The following MTHFD2 variants were observed in gnomAD, a reference collection of about 807,000 sequenced individuals.
MTHFD2 encodes methylenetetrahydrofolate dehydrogenase (NADP+ dependent) 2, methenyltetrahydrofolate cyclohydrolase.
In MTHFD2, 26 loss-of-function variants were observed where a neutral mutation model predicts 36.8. That is an observed-to-expected ratio of 0.71 (90% CI 0.52 to 0.98). MTHFD2 has a LOEUF of 0.98. Among genes scored for constraint, MTHFD2 ranks in the 50% least tolerant of loss-of-function variants. The pLI is 0.00. For synonymous variants in MTHFD2, 164 were observed against 155.2 expected (o/e 1.06, Z -0.42); for missense variants, 373 against 434.0 (o/e 0.86, Z 1.25).
intron 5 of MTHFD2, among the ~76,000 whole-genome samples, chr2:74,210,473 T>C (rs59936967): frequency 0.01 from 1,575 of 152,336 alleles, 23 homozygotes; most frequent in African/African-American, 0.036. Flanking sequence ...AGGTAAAGCC[T>C]CGTCAATCAG....
intron 1 of MTHFD2, among the ~76,000 whole-genome samples, chr2:74,199,781 A>G (rs1405649694): frequency 1.3e-5 from 2 of 152,090 alleles, no homozygotes; most frequent in African/African-American, 4.8e-5. Context: ...AAATTGGGAA[A>G]AATATACAGG....
At chr2:74,206,870 G>A (rs1694194109) in intron 2 of MTHFD2, among the ~76,000 whole-genome samples, 1 of 152,148 alleles carries the variant, frequency 6.6e-6, no homozygotes, top group East Asian at 1.9e-4. Flanking sequence ...CACCATGCCT[G>A]GCGAATTTTG....
At chr2:74,210,192 A>G (rs1694273870) in intron 5 of MTHFD2, 143 bp downstream of exon 5, 1 of 527,586 alleles carries the variant, frequency 1.9e-6, no homozygotes, top group Non-Finnish European at 3.1e-6. Context: ...TCAGGGAGTA[A>G]CCTTTGTAGA....
At chr2:74,206,085 A>G in intron 2 of MTHFD2, 196 bp downstream of exon 2, 2 of 492,270 alleles carry the variant, frequency 4.1e-6, no homozygotes, top group South Asian at 7.0e-5. Flanking sequence ...GACAGGAGAT[A>G]CTGGTTGGTA....
rs1364719252 is a variant in MTHFD2, at chr2:74,216,002, T to C, written c.*1760T>C. ...AGGGATAGGTTTGTCTGTTTTGGCTTTTGGCTTTCATGCGAGCAGAAGTAG... is the reference window on the plus strand; with the variant it reads ...AGGGATAGGTTTGTCTGTTTTGGCTCTTGGCTTTCATGCGAGCAGAAGTAG... On this transcript the variant is annotated 3_prime_UTR_variant, in exon 8 of 8. Coordinates refer to ENST00000394053, the MANE Select transcript of MTHFD2 (RefSeq NM_006636.4). 1 of 152,234 alleles carries C rather than the reference T, an allele frequency of 6.6e-6. No homozygotes were observed. Among genetic ancestry groups the C allele is most frequent in the Non-Finnish European group, 1.5e-5 (1 of 68,074 alleles). The allele number at this position is 152,234 out of a possible 1,614,324, so 9.4% of individuals were successfully genotyped here. A position where few individuals can be genotyped will look rare whatever the true frequency, so the allele number is the denominator to read the frequency against.
chr2:74,208,530 G>A lies in MTHFD2; in HGVS notation c.410-39G>A, dbSNP rs372007013. On this transcript the variant is annotated intron_variant, in intron 3 of 7. Transcript: ENST00000394053. ...TGGAGTCAGGCAGTGCTGACTATGC[G>A]GTGGTGATTTAAGGCAACTGTGCCA... 5.5e-5 allele frequency: 89 copies of A among 1,605,168 alleles called. No individual in the cohort carries two copies. The African/African-American group carries it at 5.6e-4, about 10-fold the overall frequency.
At chr2:74,203,371 T>C (rs1694085670) in intron 1 of MTHFD2, among the ~76,000 whole-genome samples, 1 of 152,242 alleles carries the variant, frequency 6.6e-6, no homozygotes, top group African/African-American at 2.4e-5. Flanking sequence ...TATATAAGAT[T>C]ATTGCATTAT....
At position 74,201,444 on chromosome 2, in the gene MTHFD2, AC is replaced by A. The variant is rs567989789; in HGVS notation, c.101+2704del. On this transcript the variant is annotated intron_variant, in intron 1 of 7. Coordinates refer to ENST00000394053, the MANE Select transcript of MTHFD2 (RefSeq NM_006636.4). ...GCAATCACGGCTTACTGCAGCCTTG[AC>A]CTCCTGGGCTCAAGTGATCCTCCCA... Among the ~76,000 whole-genome samples the A allele has an allele frequency of 2.1e-4, 31 of 146,858 alleles. No individual in the cohort carries two copies. The South Asian group carries it at 6.5e-3, about 31-fold the overall frequency.
In MTHFD2 at chr2:74,217,331, T is replaced by C. The variant is rs777346749; in HGVS notation, c.*3089T>C. On this transcript the variant is annotated 3_prime_UTR_variant, in exon 8 of 8. Coordinates refer to ENST00000394053, the MANE Select transcript of MTHFD2 (RefSeq NM_006636.4). Reference sequence around the variant, plus strand: ...ATCAACATGGTTGGTGTTCATTAAATGTGGATTGAAGATAAAATGACTGAT... The same window carrying C: ...ATCAACATGGTTGGTGTTCATTAAACGTGGATTGAAGATAAAATGACTGAT... The C allele has an allele frequency of 2.6e-5, 4 of 152,248 alleles. No individual in the cohort carries two copies. Among genetic ancestry groups the C allele is most frequent in the Non-Finnish European group, 4.4e-5 (3 of 68,046 alleles). The allele number at this position is 152,248 out of a possible 1,614,324, so 9.4% of individuals were successfully genotyped here.
chr2:74,198,995 CGG>C (rs1052983063), intron 1 of MTHFD2, among the ~76,000 whole-genome samples: 1 of 152,160 alleles, frequency 6.6e-6, no homozygotes, highest in African/African-American at 2.4e-5. Context: ...TCCTGCGACT[CGG>C]GGCGTCGCCG....
intron 7 of MTHFD2, among the ~76,000 whole-genome samples, chr2:74,212,335 G>A (rs1471884310): frequency 2.2e-5 from 3 of 138,138 alleles, no homozygotes; most frequent in Non-Finnish European, 4.5e-5. Flanking sequence ...GCACCATCTC[G>A]GCTCACTGCA....
At position 74,216,454 on chromosome 2, in the gene MTHFD2, T is replaced by A. The variant is rs1694446919; in HGVS notation, c.*2212T>A. ...GTAGTTTTCCAGCTTGTTTGATTAA[T>A]CAAGCAGGTTTACTCTTGAATCCAT... On this transcript the variant is annotated 3_prime_UTR_variant, in exon 8 of 8. Coordinates refer to ENST00000394053, the MANE Select transcript of MTHFD2 (RefSeq NM_006636.4). The A allele has an allele frequency of 6.6e-6, 1 of 152,254 alleles. No homozygotes were observed. The highest frequency in any genetic ancestry group is 1.5e-5 in the Non-Finnish European group (1 of 68,040). The allele number at this position is 152,254 out of a possible 1,614,324, so 9.4% of individuals were successfully genotyped here. A position where few individuals can be genotyped will look rare whatever the true frequency, so the allele number is the denominator to read the frequency against.
chr2:74,207,273 C>T (rs1158310489), intron 2 of MTHFD2, among the ~76,000 whole-genome samples: 5 of 152,154 alleles, frequency 3.3e-5, no homozygotes, highest in African/African-American at 1.2e-4. Flanking sequence ...GGACTACAGG[C>T]GCGTTCCACC....
chr2:74,212,182 T>TTCCC (rs55667065), intron 7 of MTHFD2, among the ~76,000 whole-genome samples: 57,529 of 127,738 alleles, frequency 0.45, 14,219 homozygotes, highest in African/African-American at 0.59. Context: ...CTTTCCTTCC[T>TTCCC]TCCCTCCATC....
rs1195343892 is a variant in MTHFD2, at chr2:74,216,318, T to A, written c.*2076T>A. 1 of 152,220 alleles carries A rather than the reference T, an allele frequency of 6.6e-6. No individual in the cohort carries two copies. The highest frequency in any genetic ancestry group is 1.5e-5 in the Non-Finnish European group (1 of 68,036). 9.4% of individuals were successfully genotyped at this position (152,220 alleles called of 1,614,324 possible). ...GACTGACTTACTGCATGGAGAAGTA[T>A]TATGTCAACCTGTTAAAAGCTATGG... On this transcript the variant is annotated 3_prime_UTR_variant, in exon 8 of 8. Coordinates refer to ENST00000394053, the MANE Select transcript of MTHFD2 (RefSeq NM_006636.4).
intron 7 of MTHFD2, among the ~76,000 whole-genome samples, chr2:74,213,793 CTTA>C (rs1223358937): frequency 6.6e-6 from 1 of 151,876 alleles, no homozygotes; most frequent in Non-Finnish European, 1.5e-5. Flanking sequence ...TGAGGTAATG[CTTA>C]TTATTGTTAT....
In MTHFD2 at chr2:74,210,062, C is replaced by T; in HGVS notation, c.670+13C>T. On this transcript the variant is annotated intron_variant, in intron 5 of 7. Transcript: ENST00000394053. ...GAACGTCCCGGAGGTAAGGAAATTG[C>T]TTTCAGGGAACACTGTCCTTTTTTC... 6.2e-7 allele frequency: 1 copy of T among 1,603,732 alleles called. No homozygotes were observed. Among genetic ancestry groups the T allele is most frequent in the Admixed American group, 1.7e-5 (1 of 59,264 alleles).
chr2:74,205,931 T>A (rs368140293), intron 2 of MTHFD2, 42 bp downstream of exon 2: 291 of 1,580,224 alleles, frequency 1.8e-4, no homozygotes, highest in Non-Finnish European at 2.3e-4. Flanking sequence ...TCAGTTGAGG[T>A]TTATATGAGG....
intron 1 of MTHFD2, among the ~76,000 whole-genome samples, chr2:74,204,257 G>T (rs984656820): frequency 3.3e-5 from 5 of 152,126 alleles, no homozygotes; most frequent in Non-Finnish European, 1.5e-5. Flanking sequence ...GTAAGGACAT[G>T]TGTGAAAATA....
Sources: allele counts gnomAD v4.1 joint callset (sites outside exome capture counted in the v4.1 genomes callset), GRCh38; gene constraint gnomAD v4.1.1; transcripts MANE v1.5; gene names NCBI Gene and HGNC (gene_info 2026-07-23, HGNC 2026-07-21).